Variants in SRL observed in about 807,000 individuals in gnomAD.
SRL encodes the protein sarcalumenin.
Under a neutral mutation model 39.5 loss-of-function variants are expected in SRL, and 23 were observed. That is an observed-to-expected ratio of 0.58 (90% CI 0.42 to 0.82). The LOEUF (loss-of-function observed/expected upper bound fraction) is 0.82, where lower values mean the gene tolerates loss of function less well. SRL is among the 40% of genes least tolerant of loss of function. The probability of loss-of-function intolerance (pLI) is 0.00; values close to 1 mark genes in which losing one functional copy is unlikely to be tolerated. For synonymous variants in SRL, 272 were observed against 237.4 expected, an observed-to-expected ratio of 1.15 and a Z score of -1.34; for missense variants, 592 against 607.8, an observed-to-expected ratio of 0.97 and a Z score of 0.27.
At chr16:4,226,511 A>G (rs2052591088) in intron 1 of SRL, among the ~76,000 whole-genome samples, 1 of 151,732 alleles carries the variant, frequency 6.6e-6, no homozygotes, top group Non-Finnish European at 1.5e-5. Flanking sequence ...GGAAGGATGG[A>G]TGGATGGATA....
intron 1 of SRL, among the ~76,000 whole-genome samples, chr16:4,220,933 C>G (rs2052522376): frequency 1.3e-5 from 2 of 152,088 alleles, no homozygotes; most frequent in South Asian, 4.1e-4. Context: ...CTGCAGTGAG[C>G]TATGATTGTG....
At chr16:4,210,010 G>A (rs573695597) in intron 1 of SRL, among the ~76,000 whole-genome samples, 7 of 152,146 alleles carry the variant, frequency 4.6e-5, no homozygotes, top group Admixed American at 2.6e-4. Context: ...CTCAAGCTCC[G>A]TACTGGTCCT....
chr16:4,207,967 G>C (rs1024258781), intron 1 of SRL: 7 of 456,644 alleles, frequency 1.5e-5, no homozygotes, highest in African/African-American at 1.2e-4. Flanking sequence ...TAGTGAAGGA[G>C]CAGTTTCTTG....
chr16:4,231,643 T>C (rs548698074), intron 1 of SRL, among the ~76,000 whole-genome samples: 135 of 152,316 alleles, frequency 8.9e-4, no homozygotes, highest in African/African-American at 3.0e-3. Context: ...ATTCATGTCA[T>C]GAGCAGGGGC....
rs551415724 is a variant in SRL, at chr16:4,211,748, ATGATGATGATGG to A, written c.62-7126_62-7115del. The stretch of plus-strand genomic sequence containing the variant: ...CGTGCCGATGATGAGGATCGTGATG[ATGATGATGATGG>A]TGATGATGATGGTGGTGACTATGCT... On this transcript the variant is annotated intron_variant, in intron 1 of 5. Coordinates refer to ENST00000399609, the MANE Select transcript of SRL (RefSeq NM_001098814.2). Among the ~76,000 whole-genome samples the A allele has an allele frequency of 9.8e-3, 1,472 of 149,846 alleles. 23 individuals carry two copies. Among genetic ancestry groups the A allele is most frequent in the African/African-American group, 0.034 (1,355 of 39,352 alleles).
At chr16:4,197,571 G>A (rs1326677778) in intron 4 of SRL, among the ~76,000 whole-genome samples, 1 of 151,590 alleles carries the variant, frequency 6.6e-6, no homozygotes, top group East Asian at 1.9e-4. Flanking sequence ...ACAGGAACGT[G>A]TCACCATGCT....
At chr16:4,203,371 G>A in intron 2 of SRL, 110 bp from the exon 3 acceptor site, 1 of 811,998 alleles carries the variant, frequency 1.2e-6, no homozygotes, top group Non-Finnish European at 2.1e-6. Context: ...TGCCTGGTGG[G>A]CAGCAAGTGC....
intron 3 of SRL, among the ~76,000 whole-genome samples, chr16:4,202,747 G>C (rs1174737360): frequency 2.6e-5 from 4 of 152,124 alleles, no homozygotes; most frequent in African/African-American, 9.7e-5. Context: ...CAGAGTGGAA[G>C]GGCAATAGCA....
chr16:4,230,219 G>A (rs756578339), intron 1 of SRL, among the ~76,000 whole-genome samples: 3 of 152,088 alleles, frequency 2.0e-5, no homozygotes, highest in Non-Finnish European at 2.9e-5. Context: ...TGTGTCTGCA[G>A]AGCTCCAGAT....
At chr16:4,228,615 G>A (rs1369123185) in intron 1 of SRL, among the ~76,000 whole-genome samples, 2 of 149,618 alleles carry the variant, frequency 1.3e-5, no homozygotes, top group Non-Finnish European at 3.0e-5. Context: ...GGCACCTGTA[G>A]TCCCAGCTAC....
At chr16:4,225,253 T>C (rs1313869095) in intron 1 of SRL, among the ~76,000 whole-genome samples, 1 of 152,156 alleles carries the variant, frequency 6.6e-6, no homozygotes, top group East Asian at 1.9e-4. Context: ...GAAAATTAAA[T>C]GACATATGAA....
chr16:4,219,172 A>G (rs1268934241), intron 1 of SRL, among the ~76,000 whole-genome samples: 1 of 152,242 alleles, frequency 6.6e-6, no homozygotes, highest in African/African-American at 2.4e-5. Flanking sequence ...GAGAGGAAAA[A>G]GGAGCTTGCC....
chr16:4,194,406 G>A (rs954949785), intron 5 of SRL, among the ~76,000 whole-genome samples: 2 of 152,152 alleles, frequency 1.3e-5, no homozygotes, highest in African/African-American at 4.8e-5. Context: ...TCAGACATTA[G>A]CATTCCCCTG....
At chr16:4,203,702 T>A (rs181707106) in intron 2 of SRL, among the ~76,000 whole-genome samples, 44 of 150,408 alleles carry the variant, frequency 2.9e-4, no homozygotes, top group African/African-American at 8.5e-4. Context: ...TGTTTTTTTT[T>A]AAAACCTCTC....
chr16:4,207,468 C>T (rs1247562510), intron 1 of SRL: 1 of 456,846 alleles, frequency 2.2e-6, no homozygotes, highest in Non-Finnish European at 4.4e-6. Flanking sequence ...AGGCTCCTCG[C>T]CAGGCCCAGG....
At chr16:4,223,043 A>C (rs977564178) in intron 1 of SRL, among the ~76,000 whole-genome samples, 1 of 152,086 alleles carries the variant, frequency 6.6e-6, no homozygotes, top group Non-Finnish European at 1.5e-5. Context: ...TAGCCTGGCC[A>C]GCATGGTAAA....
intron 1 of SRL, among the ~76,000 whole-genome samples, chr16:4,228,280 T>C (rs2052614483): frequency 6.6e-6 from 1 of 151,936 alleles, no homozygotes; most frequent in African/African-American, 2.4e-5. Flanking sequence ...CTACTAAAAA[T>C]ACAAAAATTA....
chr16:4,196,470 T>C (rs1238750091), intron 4 of SRL, among the ~76,000 whole-genome samples: 1 of 139,160 alleles, frequency 7.2e-6, no homozygotes, highest in Non-Finnish European at 1.6e-5. Flanking sequence ...GATTTTGCCT[T>C]CTTTTTTTTT....
chr16:4,210,917 C>T (rs149721942), intron 1 of SRL, among the ~76,000 whole-genome samples: 133 of 152,274 alleles, frequency 8.7e-4, no homozygotes, highest in Non-Finnish European at 1.7e-3. Flanking sequence ...CTGTTAGAGA[C>T]GCAGACTTTT....
Sources: gnomAD v4.1 joint callset for allele counts (sites outside exome capture counted in the v4.1 genomes callset) on GRCh38, gnomAD v4.1.1 for gene constraint, MANE v1.5 for transcripts, NCBI Gene and HGNC (gene_info 2026-07-23, HGNC 2026-07-21) for gene names.